The following SLC25A31 variants were observed in gnomAD, a reference collection of about 807,000 sequenced individuals.
SLC25A31 encodes the protein ADP/ATP translocase 4.
In SLC25A31, 40 loss-of-function variants were observed where a neutral mutation model predicts 36.2. That is an observed-to-expected ratio of 1.10 (90% CI 0.86 to 1.44). The LOEUF (loss-of-function observed/expected upper bound fraction) is 1.44. SLC25A31 is among the 40% of genes most tolerant of loss of function. The pLI, the probability that SLC25A31 is intolerant of heterozygous loss-of-function variation, is 0.00. For synonymous variants in SLC25A31, 143 were observed against 149.7 expected (o/e 0.96, Z 0.32); for missense variants, 350 against 397.1 (o/e 0.88, Z 1.01).
intron 5 of SLC25A31, among the ~76,000 whole-genome samples, chr4:127,769,993 CT>C (rs1193993459): frequency 6.6e-6 from 1 of 152,170 alleles, no homozygotes; most frequent in Non-Finnish European, 1.5e-5. Flanking sequence ...GAGTTCTGTA[CT>C]TTTACTCATT....
chr4:127,761,768 G>T (rs1356511107), intron 2 of SLC25A31, among the ~76,000 whole-genome samples: 3 of 152,096 alleles, frequency 2.0e-5, no homozygotes, highest in South Asian at 2.1e-4. Flanking sequence ...CTTAGGAGAG[G>T]ATCTATAGCT....
chr4:127,768,983 G>T (rs1732300773), intron 5 of SLC25A31, 106 bp downstream of exon 5: 6 of 1,007,454 alleles, frequency 6.0e-6, no homozygotes, highest in South Asian at 4.0e-5. Context: ...TAAGTCATTT[G>T]TTTTACTTAG....
At chr4:127,770,630 A>AAAAAAG (rs555759140) in intron 5 of SLC25A31, among the ~76,000 whole-genome samples, 2,074 of 152,096 alleles carry the variant, frequency 0.014, 48 homozygotes, top group African/African-American at 0.048. Flanking sequence ...GTCTCAAAAA[A>AAAAAAG]AAAAAGAAAA....
At chr4:127,772,865 T>C (rs1243357721) in intron 5 of SLC25A31, among the ~76,000 whole-genome samples, 1 of 151,704 alleles carries the variant, frequency 6.6e-6, no homozygotes, top group Non-Finnish European at 1.5e-5. Flanking sequence ...CACTGCAACT[T>C]TGACCTCCCA....
intron 1 of SLC25A31, among the ~76,000 whole-genome samples, chr4:127,742,134 A>G (rs1345873561): frequency 6.6e-6 from 1 of 152,060 alleles, no homozygotes; most frequent in African/African-American, 2.4e-5. Context: ...TTTTTCTATT[A>G]TTTTTGTAGT....
chr4:127,756,403 G>A (rs1201435337), intron 2 of SLC25A31, among the ~76,000 whole-genome samples: 1 of 152,176 alleles, frequency 6.6e-6, no homozygotes, highest in Non-Finnish European at 1.5e-5. Flanking sequence ...TAGAAGCAAA[G>A]TAGACTGGTG....
chr4:127,758,774 T>C (rs1217720060), intron 2 of SLC25A31, among the ~76,000 whole-genome samples: 1 of 152,212 alleles, frequency 6.6e-6, no homozygotes, highest in East Asian at 1.9e-4. Context: ...AAAGATCAGT[T>C]GAGTGTAGGT....
intron 2 of SLC25A31, among the ~76,000 whole-genome samples, chr4:127,761,838 C>G (rs1732146859): frequency 6.6e-6 from 1 of 152,160 alleles, no homozygotes; most frequent in Non-Finnish European, 1.5e-5. Flanking sequence ...TTATTGATAA[C>G]TAGTATTGAA....
chr4:127,771,406 C>G (rs1372596260), intron 5 of SLC25A31, among the ~76,000 whole-genome samples: 1 of 152,108 alleles, frequency 6.6e-6, no homozygotes, highest in Non-Finnish European at 1.5e-5. Flanking sequence ...ATGATTTTAA[C>G]AATTCAGCCC....
rs1389415030 is a variant in SLC25A31 at position 127,767,151 on chromosome 4, G to C, written c.564G>C (p.Gly188=). The C allele has an allele frequency of 6.2e-7, 1 of 1,613,746 alleles. No homozygotes were observed. Among genetic ancestry groups the C allele is most frequent in the Non-Finnish European group, 8.5e-7 (1 of 1,179,802 alleles). The change falls in exon 4 of 6, where the codon GGG becomes GGC. Residue 188 remains glycine, a synonymous_variant. Coordinates refer to ENST00000281154, the MANE Select transcript of SLC25A31 (RefSeq NM_031291.4). ...KSDGIAGLYQ[G]FGVSVQGIIV... ...ATGGAATTGCTGGTTTATACCAAGG[G>C]TTTGGTGTTTCAGTACAGGGCATCA... is the stretch of plus-strand genomic sequence containing the variant.
chr4:127,756,681 T>C (rs1272459966), intron 2 of SLC25A31, among the ~76,000 whole-genome samples: 4 of 152,222 alleles, frequency 2.6e-5, no homozygotes, highest in African/African-American at 9.6e-5. Flanking sequence ...TTGTACCCCA[T>C]AAATATATAC....
intron 2 of SLC25A31, among the ~76,000 whole-genome samples, chr4:127,752,049 C>G (rs990707503): frequency 6.6e-6 from 1 of 151,946 alleles, no homozygotes; most frequent in Non-Finnish European, 1.5e-5. Flanking sequence ...TAACATTTGA[C>G]CCAGCCATCC....
intron 2 of SLC25A31, among the ~76,000 whole-genome samples, chr4:127,753,718 A>T (rs1437414768): frequency 1.3e-5 from 2 of 152,262 alleles, no homozygotes; most frequent in East Asian, 3.9e-4. Context: ...CCAGGATCAG[A>T]TGGCTTTATG....
chr4:127,763,222 G>A (rs1732176388), intron 2 of SLC25A31, among the ~76,000 whole-genome samples: 1 of 152,150 alleles, frequency 6.6e-6, no homozygotes, highest in Non-Finnish European at 1.5e-5. Flanking sequence ...TTCAATAGAT[G>A]GGTTGGAGAT....
chr4:127,749,708 CAA>C (rs34540386), intron 2 of SLC25A31, among the ~76,000 whole-genome samples: 213 of 106,090 alleles, frequency 2.0e-3, no homozygotes, highest in Middle Eastern at 4.7e-3. Context: ...GACTCCATCT[CAA>C]AAAAAAAAAA....
At chr4:127,740,845 A>G (rs1378266892) in intron 1 of SLC25A31, among the ~76,000 whole-genome samples, 1 of 152,194 alleles carries the variant, frequency 6.6e-6, no homozygotes, top group African/African-American at 2.4e-5. Flanking sequence ...CTGCACCACA[A>G]TCTCTGCACA....
At position 127,744,697 on chromosome 4, in the gene SLC25A31, T is replaced by C. The variant is rs766982375; in HGVS notation, c.258T>C (p.Asn86=). Residue 86 remains asparagine (N), a synonymous_variant, in exon 2 of 6, where the codon AAT becomes AAC. Coordinates refer to ENST00000281154, the MANE Select transcript of SLC25A31 (RefSeq NM_031291.4). Reference sequence around the variant, plus strand: ...GTTTCTTCAGTTTTTGGCGTGGCAATTTGGCAAATGTTATTCGGTATTTTC... The same window carrying C: ...GTTTCTTCAGTTTTTGGCGTGGCAACTTGGCAAATGTTATTCGGTATTTTC... ...EQGFFSFWRG[N]LANVIRYFPT... 3.7e-6 allele frequency: 6 copies of C among 1,601,094 alleles called. No homozygotes were observed. In the South Asian group the frequency reaches 6.8e-5, roughly 18 times the overall value.
chr4:127,734,470 G>C (rs1028342953), intron 1 of SLC25A31, among the ~76,000 whole-genome samples: 2 of 136,474 alleles, frequency 1.5e-5, no homozygotes, highest in Non-Finnish European at 3.0e-5. Flanking sequence ...TGAAACACAA[G>C]AATCACTTGA....
At chr4:127,730,924 A>G (rs1029656308) in intron 1 of SLC25A31, 147 bp downstream of exon 1, 36 of 828,748 alleles carry the variant, frequency 4.3e-5, no homozygotes, top group African/African-American at 6.9e-5. Flanking sequence ...CCCTTCCAGA[A>G]TTTAGTTTCT....
Sources: gnomAD v4.1 joint callset for allele counts (sites outside exome capture counted in the v4.1 genomes callset) on GRCh38, gnomAD v4.1.1 for gene constraint, MANE v1.5 for transcripts, NCBI Gene and HGNC (gene_info 2026-07-23, HGNC 2026-07-21) for gene names.